The following CERS3 variants were observed in gnomAD, a reference collection of about 807,000 sequenced individuals.
The protein encoded by CERS3 is LAG1 homolog, ceramide synthase 3.
In CERS3, 33 loss-of-function variants were observed where a neutral mutation model predicts 50.3. That is an observed-to-expected ratio of 0.66 (90% confidence interval 0.50 to 0.88). CERS3 has a LOEUF of 0.88. CERS3 is among the 40% of genes least tolerant of loss of function. The pLI is 0.00. For synonymous variants in CERS3, 176 were observed against 155.2 expected (o/e 1.13, Z -0.99); for missense variants, 470 against 460.3 (o/e 1.02, Z -0.19).
upstream of CERS3, among the ~76,000 whole-genome samples, chr15:100,532,109 G>A (rs151244478): frequency 6.6e-4 from 101 of 152,264 alleles, no homozygotes; most frequent in African/African-American, 2.3e-3. Context: ...GAGTCTGGGC[G>A]CCAGCAGCAA....
intron 11 of CERS3, among the ~76,000 whole-genome samples, chr15:100,433,452 T>C (rs2033234876): frequency 6.6e-6 from 1 of 151,980 alleles, no homozygotes; most frequent in Admixed American, 6.6e-5. Context: ...AGAAAAAATA[T>C]ATACAAATTC....
At chr15:100,408,795 A>G (rs774467645) in intron 11 of CERS3, 4 of 152,220 alleles carry the variant, frequency 2.6e-5, no homozygotes, top group Non-Finnish European at 5.9e-5. Context: ...CAGTAATAGC[A>G]ATGACATTTA....
chr15:100,441,742 C>T (rs533993663), intron 11 of CERS3, among the ~76,000 whole-genome samples: 9 of 152,204 alleles, frequency 5.9e-5, no homozygotes, highest in Admixed American at 1.3e-4. Context: ...TAATTCTTTT[C>T]GTAAAATAGG....
intron 5 of CERS3, among the ~76,000 whole-genome samples, chr15:100,482,118 A>C (rs1331897411): frequency 6.6e-6 from 1 of 152,216 alleles, no homozygotes; most frequent in African/African-American, 2.4e-5. Context: ...TGACACCAAA[A>C]AGTTGGAGAA....
chr15:100,492,720 T>C (rs1489361530), intron 3 of CERS3, among the ~76,000 whole-genome samples: 1 of 152,218 alleles, frequency 6.6e-6, no homozygotes, highest in African/African-American at 2.4e-5. Flanking sequence ...ATAGGATTTA[T>C]GTCTGCCATT....
At chr15:100,405,592 T>C (rs1323550504) in intron 11 of CERS3, among the ~76,000 whole-genome samples, 4 of 152,218 alleles carry the variant, frequency 2.6e-5, no homozygotes, top group Middle Eastern at 3.2e-3. Context: ...AGTTTCAAAA[T>C]ATGATCTATT....
chr15:100,473,115 A>C, intron 8 of CERS3, 63 bp from the exon 9 acceptor site: 1 of 1,501,418 alleles, frequency 6.7e-7, no homozygotes, highest in Non-Finnish European at 9.0e-7. Flanking sequence ...TCACTGGAAG[A>C]GATAATCATA....
intron 11 of CERS3, among the ~76,000 whole-genome samples, chr15:100,448,573 C>T (rs953319138): frequency 6.6e-5 from 10 of 152,162 alleles, no homozygotes; most frequent in Non-Finnish European, 1.2e-4. Context: ...TCCCACATAC[C>T]CCCTGAGTCC....
In CERS3 at chr15:100,456,033, T is replaced by A. The variant is rs1247411829; in HGVS notation, c.859A>T (p.Thr287Ser). 2.5e-6 allele frequency: 4 copies of A among 1,607,126 alleles called. No homozygotes were observed. Among genetic ancestry groups the A allele is most frequent in the Non-Finnish European group, 3.4e-6 (4 of 1,176,900 alleles). Reference sequence around the variant, plus strand: ...AGGTGATACATAGGCAAGATCAGCGTGCAATATAAAATCCTGAAACACCAA... The same window carrying A: ...AGGTGATACATAGGCAAGATCAGCGAGCAATATAAAATCCTGAAACACCAA... ...IVFPFWILYCTLILPMYHLEP... is the reference protein window; with the variant it reads ...IVFPFWILYCSLILPMYHLEP... The change falls in exon 11 of 12, where the codon ACG becomes TCG. Residue 287 changes from threonine (T) to serine (S), a missense_variant. Thr to Ser is a moderately conservative substitution (Grantham distance 58, BLOSUM62 1). Transcript: ENST00000679737.
intron 2 of CERS3, among the ~76,000 whole-genome samples, chr15:100,505,192 GT>G (rs1390719480): frequency 5.9e-5 from 9 of 152,172 alleles, no homozygotes; most frequent in African/African-American, 9.7e-5. Flanking sequence ...ACTGAGTTAG[GT>G]TTCCCCCCCA....
intron 10 of CERS3, among the ~76,000 whole-genome samples, chr15:100,456,463 A>T (rs1397599280): frequency 3.3e-5 from 5 of 152,264 alleles, no homozygotes; most frequent in Admixed American, 3.3e-4. Context: ...TTGGCATCAA[A>T]GGTGAATAGA....
chr15:100,515,267 G>C (rs774032323), intron 2 of CERS3, among the ~76,000 whole-genome samples: 21 of 152,102 alleles, frequency 1.4e-4, no homozygotes, highest in Non-Finnish European at 2.1e-4. Context: ...GCTAACTATT[G>C]GAATCTTTTG....
rs563135519 is a variant in CERS3, at chr15:100,432,341, C to A, written c.999+23552G>T. Among the ~76,000 whole-genome samples the A allele has an allele frequency of 1.3e-5, 2 of 152,112 alleles. 1 individual carries two copies. The highest frequency in any genetic ancestry group is 2.9e-5 in the Non-Finnish European group (2 of 68,016). On this transcript the variant is annotated intron_variant, in intron 11 of 11. Coordinates refer to ENST00000679737, the MANE Select transcript of CERS3 (RefSeq NM_001378789.1). Reference sequence around the variant, plus strand: ...AGGCTGGAATGATAACCTGATCAAGCAAAATGAAGTTTAACAAAAAGAAAT... The same window carrying A: ...AGGCTGGAATGATAACCTGATCAAGAAAAATGAAGTTTAACAAAAAGAAAT...
intron 4 of CERS3, among the ~76,000 whole-genome samples, chr15:100,489,929 C>T (rs974055158): frequency 1.3e-5 from 2 of 152,072 alleles, no homozygotes; most frequent in Non-Finnish European, 2.9e-5. Flanking sequence ...AGAGAAACCA[C>T]GAGGAACAAA....
rs931773045 is a variant in CERS3, at chr15:100,470,457, T to C, written c.739-973A>G. 1.8e-4 allele frequency among the ~76,000 whole-genome samples: 28 copies of C among 151,754 alleles called. 1 individual carries two copies. Among genetic ancestry groups the C allele is most frequent in the African/African-American group, 6.8e-4 (28 of 41,400 alleles). On this transcript the variant is annotated intron_variant, in intron 9 of 11. Transcript: ENST00000679737. ...CAGAGAACAGCTTCAGTTGCTGACATAGAGAGGTTGGTGTGCCTGGTGGGT... is the reference window on the plus strand; with the variant it reads ...CAGAGAACAGCTTCAGTTGCTGACACAGAGAGGTTGGTGTGCCTGGTGGGT...
At chr15:100,469,329 C>T (rs2034886054) in intron 10 of CERS3, 49 bp downstream of exon 10, 1 of 1,435,212 alleles carries the variant, frequency 7.0e-7, no homozygotes, top group Admixed American at 1.7e-5. Flanking sequence ...TGCACTGAGG[C>T]CACCTCTGCA....
rs557669968 is a variant in CERS3 at position 100,486,585 on chromosome 15, C to T, written c.289-1917G>A. On this transcript the variant is annotated intron_variant, in intron 4 of 11. Transcript: ENST00000679737. ...GAAAAAAGTATTCCTTTACTTTTAACATAATTTGCAAACACGAACAGACCC... is the reference window on the plus strand; with the variant it reads ...GAAAAAAGTATTCCTTTACTTTTAATATAATTTGCAAACACGAACAGACCC... 2.6e-5 allele frequency among the ~76,000 whole-genome samples: 4 copies of T among 152,338 alleles called. No homozygotes were observed. The East Asian group carries it at 7.7e-4, about 29-fold the overall frequency.
intron 11 of CERS3, among the ~76,000 whole-genome samples, chr15:100,420,611 C>G (rs1393336604): frequency 6.6e-6 from 1 of 151,754 alleles, no homozygotes; most frequent in African/African-American, 2.4e-5. Context: ...ATACCAAAGC[C>G]AGGCAGAGAC....
intron 11 of CERS3, among the ~76,000 whole-genome samples, chr15:100,424,628 T>C (rs1336925072): frequency 6.6e-6 from 1 of 152,218 alleles, no homozygotes; most frequent in African/African-American, 2.4e-5. Context: ...TGAGATGATT[T>C]AGGGTATCTG....
Sources: gnomAD v4.1 joint callset for allele counts (sites outside exome capture counted in the v4.1 genomes callset) on GRCh38, gnomAD v4.1.1 for gene constraint, MANE v1.5 for transcripts, NCBI Gene and HGNC (gene_info 2026-07-23, HGNC 2026-07-21) for gene names.